The following NBAS variants were observed in gnomAD, a reference collection of about 807,000 sequenced individuals.
The protein encoded by NBAS is NAG/BC035112 fusion.
In NBAS, 219 loss-of-function variants were observed where a neutral mutation model predicts 302.5. The ratio of observed to expected loss-of-function variants is 0.72; its 90% CI spans 0.65 to 0.81. The LOEUF (loss-of-function observed/expected upper bound fraction) is 0.81, where lower values mean the gene tolerates loss of function less well. Among genes scored for constraint, NBAS ranks in the 30% least tolerant of loss-of-function variants. NBAS has a pLI of 0.00. For missense variants in NBAS, 2,932 were observed against 2,841.6 expected (o/e 1.03, Z -0.72); for synonymous variants, 1,118 against 1,021.6 (o/e 1.09, Z -1.80).
intron 11 of NBAS, among the ~76,000 whole-genome samples, chr2:15,493,372 TA>T (rs1355714207): frequency 6.6e-6 from 1 of 152,044 alleles, no homozygotes; most frequent in African/African-American, 2.4e-5. Flanking sequence ...CATATCACAA[TA>T]AAAGTATACC....
At chr2:15,161,032 T>C in the NBAS span, among the ~76,000 whole-genome samples, 163 of 152,302 alleles carry the variant, frequency 1.1e-3, no homozygotes, top group African/African-American at 3.8e-3. Flanking sequence ...AAGTTCATGG[T>C]CATGGAGACT....
In NBAS at chr2:15,558,541, TA is replaced by T. The variant is rs149405870; in HGVS notation, c.172+38del. The T allele has an allele frequency of 0.011, 16,866 of 1,551,616 alleles. 844 individuals are homozygous for T. The African/African-American group carries it at 0.13, about 12-fold the overall frequency. On this transcript the variant is annotated intron_variant, in intron 2 of 51. Transcript: ENST00000281513. ...AGTCTAAAGAACACATTTTAACTGT[TA>T]ACCATATCATTACTGTAGAGAAATA... is the stretch of plus-strand genomic sequence containing the variant.
the NBAS span, among the ~76,000 whole-genome samples, chr2:14,940,812 C>A: frequency 6.6e-6 from 1 of 152,206 alleles, no homozygotes. Flanking sequence ...CAGGAAAGAC[C>A]AGAATCTTCA....
At chr2:15,101,772 G>A in the NBAS span, among the ~76,000 whole-genome samples, 2 of 152,190 alleles carry the variant, frequency 1.3e-5, no homozygotes, top group African/African-American at 2.4e-5. Flanking sequence ...TGACAACAGG[G>A]AGAATTCTTT....
chr2:15,068,965 C>T, the NBAS span, among the ~76,000 whole-genome samples: 2 of 151,938 alleles, frequency 1.3e-5, no homozygotes, highest in Non-Finnish European at 2.9e-5. Context: ...CCCGAGGCAG[C>T]GCAGGGCCTC....
the NBAS span, among the ~76,000 whole-genome samples, chr2:15,040,700 G>T: frequency 6.6e-6 from 1 of 152,156 alleles, no homozygotes; most frequent in Non-Finnish European, 1.5e-5. Flanking sequence ...AGACTCTGGG[G>T]TTTTTGTCTT....
Position 15,167,297 on chromosome 2 carries a change from T to C in NBAS, c.6867A>G (p.Glu2289=). Residue 2289 remains glutamate (E), a synonymous_variant, in exon 52 of 52, where the codon GAA becomes GAG. Transcript: ENST00000281513. The stretch of plus-strand genomic sequence containing the variant: ...TGGCATCCAGGAGCAGGGAAAGAAG[T>C]TCTTGGTCACAATTGGAATCATTCA... ...TTVNDSNCDQ[E]LLSLLLDAKL... 1.2e-6 allele frequency: 2 copies of C among 1,614,166 alleles called. No individual in the cohort carries two copies. The highest frequency in any genetic ancestry group is 1.1e-5 in the South Asian group (1 of 91,078).
chr2:15,423,166 T>A (rs1677293814), intron 23 of NBAS, among the ~76,000 whole-genome samples: 1 of 152,212 alleles, frequency 6.6e-6, no homozygotes, highest in Admixed American at 6.5e-5. Context: ...TCTGTGAACT[T>A]TATCTATTTA....
intron 32 of NBAS, among the ~76,000 whole-genome samples, chr2:15,364,631 G>A (rs887987479): frequency 2.0e-5 from 3 of 152,162 alleles, no homozygotes; most frequent in Admixed American, 2.0e-4. Context: ...GGTACTCTGA[G>A]ACCATCAAAT....
chr2:15,108,954 AT>A, the NBAS span, among the ~76,000 whole-genome samples: 2 of 152,136 alleles, frequency 1.3e-5, no homozygotes, highest in Non-Finnish European at 2.9e-5. Context: ...ATATGAGAGA[AT>A]CAATCCACTG....
At chr2:15,272,284 T>C (rs1187317969) in intron 44 of NBAS, among the ~76,000 whole-genome samples, 1 of 152,208 alleles carries the variant, frequency 6.6e-6, no homozygotes, top group African/African-American at 2.4e-5. Flanking sequence ...CTAAATTAAA[T>C]GTGGGTACAC....
chr2:15,523,207 G>C (rs1662760811), intron 9 of NBAS, among the ~76,000 whole-genome samples: 1 of 152,152 alleles, frequency 6.6e-6, no homozygotes, highest in Non-Finnish European at 1.5e-5. Context: ...AAATACATGA[G>C]AACCTCGAGA....
the NBAS span, among the ~76,000 whole-genome samples, chr2:14,854,840 A>C: frequency 6.6e-6 from 1 of 152,194 alleles, no homozygotes; most frequent in Non-Finnish European, 1.5e-5. Flanking sequence ...AAGGCAGTCT[A>C]GACTATAAGG....
At chr2:14,984,058 C>T in the NBAS span, among the ~76,000 whole-genome samples, 1 of 152,096 alleles carries the variant, frequency 6.6e-6, no homozygotes, top group African/African-American at 2.4e-5. Context: ...AACATTTTAT[C>T]AACAAAACAA....
chr2:15,071,793 T>TC, the NBAS span, among the ~76,000 whole-genome samples: 4 of 151,970 alleles, frequency 2.6e-5, no homozygotes, highest in Non-Finnish European at 5.9e-5. Context: ...CATGTTTTTT[T>TC]CCCAAGCAAC....
At chr2:15,144,047 A>AT in the NBAS span, among the ~76,000 whole-genome samples, 1 of 85,488 alleles carries the variant, frequency 1.2e-5, no homozygotes, top group Non-Finnish European at 2.0e-5. Context: ...CTATATATAA[A>AT]AATATATATA....
At chr2:15,465,962 C>G (rs984992138) in intron 19 of NBAS, among the ~76,000 whole-genome samples, 1 of 152,088 alleles carries the variant, frequency 6.6e-6, no homozygotes, top group Non-Finnish European at 1.5e-5. Context: ...CAAAACATCA[C>G]AGAACTCAGG....
chr2:14,809,318 A>AG, the NBAS span, among the ~76,000 whole-genome samples: 1 of 152,162 alleles, frequency 6.6e-6, no homozygotes, highest in Non-Finnish European at 1.5e-5. Flanking sequence ...GAGACATAGA[A>AG]GGAAAAAATG....
chr2:15,147,860 C>G, the NBAS span, among the ~76,000 whole-genome samples: 1 of 152,258 alleles, frequency 6.6e-6, no homozygotes, highest in East Asian at 1.9e-4. Context: ...GGTCTCCTGT[C>G]GAGTTTAAGA....
Sources: allele counts gnomAD v4.1 joint callset (sites outside exome capture counted in the v4.1 genomes callset), GRCh38; gene constraint gnomAD v4.1.1; transcripts MANE v1.5; gene names NCBI Gene and HGNC (gene_info 2026-07-23, HGNC 2026-07-21).